Variants in CRAMP1 observed in about 807,000 individuals in gnomAD.
CRAMP1 encodes cramped chromatin regulator 1, also known as protein cramped-like.
In CRAMP1, 50 loss-of-function variants were observed where a neutral mutation model predicts 115.4. The ratio of observed to expected loss-of-function variants is 0.43; its 90% CI spans 0.35 to 0.55. The LOEUF (loss-of-function observed/expected upper bound fraction) is 0.55, where lower values mean the gene tolerates loss of function less well. Among genes scored for constraint, CRAMP1 ranks in the 20% least tolerant of loss-of-function variants. CRAMP1 has a pLI of 0.01. For missense variants in CRAMP1, 1,679 were observed against 1,721.7 expected, an observed-to-expected ratio of 0.98 and a Z score of 0.44; for synonymous variants, 866 against 745.4, an observed-to-expected ratio of 1.16 and a Z score of -2.64.
chr16:1,653,831 A>C (rs1221352288), intron 8 of CRAMP1, among the ~76,000 whole-genome samples: 18 of 147,212 alleles, frequency 1.2e-4, no homozygotes, highest in Admixed American at 2.7e-4. Flanking sequence ...AAAAAAAAAA[A>C]AAAAAACAAA....
Position 1,656,483 on chromosome 16 carries a change from C to G in CRAMP1, c.1726C>G (p.Gln576Glu). Residue 576 changes from glutamine (Q) to glutamate (E), a missense_variant, in exon 10 of 21, where the codon CAG (glutamine) becomes GAG (glutamate). Coordinates refer to ENST00000397412, the MANE Select transcript of CRAMP1 (RefSeq NM_020825.4). This position sits in a 1 kb window ranked among gnomAD's most constrained non-coding sequence, Gnocchi z 5.6. The stretch of plus-strand genomic sequence containing the variant: ...CTGTCAGGACCTCATTGTCCCCGAG[C>G]AGTGCCGCTGTGCGGACACACGGCC... ...KSCQDLIVPE[Q>E]CRCADTRPGS... 6.3e-7 allele frequency: 1 copy of G among 1,577,754 alleles called. No homozygotes were observed. The highest frequency in any genetic ancestry group is 8.6e-7 in the Non-Finnish European group (1 of 1,162,556).
rs2036359514 is a variant in CRAMP1 at position 1,612,541 on chromosome 16, C to A, written c.-118C>A. 6.6e-6 allele frequency: 1 copy of A among 152,052 alleles called. No individual in the cohort carries two copies. Among genetic ancestry groups the A allele is most frequent in the Non-Finnish European group, 1.5e-5 (1 of 68,080 alleles). The allele number at this position is 152,052 out of a possible 1,614,324, so 9.4% of individuals were successfully genotyped here. On this transcript the variant is annotated 5_prime_UTR_variant, in exon 1 of 21. Transcript: ENST00000397412. ...CTTCCGAGGCGGACGACCAGCCCGG[C>A]GTTGCGGCCTCCCTGCAGCCGGCGC...
rs887987258 is a variant in CRAMP1 at position 1,672,790 on chromosome 16, T to C, written c.3646-1091T>C. Among the ~76,000 whole-genome samples the C allele has an allele frequency of 1.3e-5, 2 of 152,128 alleles. No homozygotes were observed. Among genetic ancestry groups the C allele is most frequent in the Non-Finnish European group, 1.5e-5 (1 of 68,032 alleles). ...AGCGCTGAAAACGGCACATTCTACG[T>C]ATTTGCTCATGGGACAAGATCCCGG... On this transcript the variant is annotated intron_variant, in intron 20 of 20. Coordinates refer to ENST00000397412, the MANE Select transcript of CRAMP1 (RefSeq NM_020825.4). This position sits in a 1 kb window ranked among gnomAD's most constrained non-coding sequence, Gnocchi z 4.9.
chr16:1,615,505 A>G (rs915324956), intron 2 of CRAMP1, among the ~76,000 whole-genome samples: 2 of 152,190 alleles, frequency 1.3e-5, no homozygotes, highest in Non-Finnish European at 2.9e-5. Context: ...TAGGAAGGGC[A>G]TAGAGATGGG....
chr16:1,650,576 G>T (rs1006142093), intron 6 of CRAMP1, among the ~76,000 whole-genome samples: 1 of 152,166 alleles, frequency 6.6e-6, no homozygotes, highest in Non-Finnish European at 1.5e-5. Flanking sequence ...TTTCATGTGT[G>T]TCTTTCTGAA....
chr16:1,646,968 A>T (rs2036680422), intron 6 of CRAMP1: 2 of 700,630 alleles, frequency 2.9e-6, no homozygotes, highest in Admixed American at 4.0e-5. Context: ...GTGTGGTTCC[A>T]TTCTGGACCT....
rs1355845441 is a variant in CRAMP1, at chr16:1,671,021, A to AC, written c.3645+213dup. Among the ~76,000 whole-genome samples, 1 of 152,128 alleles carries AC rather than the reference A, an allele frequency of 6.6e-6. No individual in the cohort carries two copies. The highest frequency in any genetic ancestry group is 2.4e-5 in the African/African-American group (1 of 41,406). The stretch of plus-strand genomic sequence containing the variant: ...CTCGTCCCCACATGCAGAATGACAG[A>AC]CTTAGTCATAGCTGAGCTCTGCAGG... On this transcript the variant is annotated intron_variant, in intron 20 of 20. Coordinates refer to ENST00000397412, the MANE Select transcript of CRAMP1 (RefSeq NM_020825.4). This position sits in a 1 kb window ranked among gnomAD's most constrained non-coding sequence, Gnocchi z 5.0.
At position 1,653,122 on chromosome 16, in the gene CRAMP1, C is replaced by A; in HGVS notation, c.1003C>A (p.Arg335Ser). The A allele has an allele frequency of 6.2e-7, 1 of 1,610,948 alleles. No individual in the cohort carries two copies. Among genetic ancestry groups the A allele is most frequent in the Non-Finnish European group, 8.5e-7 (1 of 1,178,600 alleles). Residue 335 changes from arginine to serine, a missense_variant, in exon 8 of 21, where the codon CGT becomes AGT. Arg to Ser is a moderately radical substitution (Grantham distance 110). Transcript: ENST00000397412. ...GCCGCGGAACAACCACGCCTGGGCC[C>A]GTGTGCAGAGCCTTGCCCAGAACCC... The part of the protein sequence containing the change: ...LQPRNNHAWA[R>S]VQSLAQNPRL...
chr16:1,638,478 A>G (rs2036606262), intron 5 of CRAMP1, among the ~76,000 whole-genome samples: 1 of 152,090 alleles, frequency 6.6e-6, no homozygotes, highest in African/African-American at 2.4e-5. Flanking sequence ...GGCCTTCCTC[A>G]CGCAGGCCCT....
chr16:1,677,668 T>G lies in CRAMP1; in HGVS notation c.*3623T>G, dbSNP rs937604624. On this transcript the variant is annotated 3_prime_UTR_variant, in exon 21 of 21. Transcript: ENST00000397412. ...GCGAGGCCTCCGCTCGTTTCAGATATGAATTTGTTTTATAGATTATAAATA... is the reference window on the plus strand; with the variant it reads ...GCGAGGCCTCCGCTCGTTTCAGATAGGAATTTGTTTTATAGATTATAAATA... The G allele has an allele frequency of 5.9e-5, 9 of 152,766 alleles. No homozygotes were observed. Among genetic ancestry groups the G allele is most frequent in the African/African-American group, 2.2e-4 (9 of 41,568 alleles). 9.5% of individuals were successfully genotyped at this position (152,766 alleles called of 1,614,324 possible).
Position 1,666,234 on chromosome 16 carries a change from G to T in CRAMP1, c.2857+57G>T. ...GAGTGAGCCTCTGAGGGATGTTTTT[G>T]TGACCAGGTTTTTTGAATGTTTTCT... On this transcript the variant is annotated intron_variant, in intron 15 of 20. Transcript: ENST00000397412. This position sits in a 1 kb window ranked among gnomAD's most constrained non-coding sequence, Gnocchi z 5.0. 1.5e-6 allele frequency: 2 copies of T among 1,332,860 alleles called. No individual in the cohort carries two copies. Among genetic ancestry groups the T allele is most frequent in the African/African-American group, 2.9e-5 (2 of 68,746 alleles). 82.6% of individuals were successfully genotyped at this position (1,332,860 alleles called of 1,614,324 possible). A position where few individuals can be genotyped will look rare whatever the true frequency, so the allele number is the denominator to read the frequency against.
At chr16:1,633,309 G>T (rs558181139) in intron 4 of CRAMP1, among the ~76,000 whole-genome samples, 1 of 152,232 alleles carries the variant, frequency 6.6e-6, no homozygotes, top group Admixed American at 6.5e-5. Flanking sequence ...ACTGGGCAGA[G>T]CCCTGAGGGC....
intron 9 of CRAMP1, 103 bp from the exon 10 acceptor site, chr16:1,655,774 G>A: frequency 7.6e-7 from 1 of 1,307,208 alleles, no homozygotes; most frequent in African/African-American, 1.5e-5. Context: ...TTATACCCTG[G>A]GGGATGCCAG....
intron 11 of CRAMP1, among the ~76,000 whole-genome samples, 190 bp downstream of exon 11, chr16:1,660,253 C>G (rs1399900875): frequency 6.6e-6 from 1 of 152,178 alleles, no homozygotes; most frequent in Non-Finnish European, 1.5e-5. Flanking sequence ...GATGCCAGGG[C>G]TTGTCGTGAA....
intron 2 of CRAMP1, among the ~76,000 whole-genome samples, chr16:1,621,628 G>A (rs987902075): frequency 6.6e-6 from 1 of 152,164 alleles, no homozygotes; most frequent in Non-Finnish European, 1.5e-5. Flanking sequence ...CTTTATCTAG[G>A]CTCCGTGGGA....
intron 7 of CRAMP1, 78 bp downstream of exon 7, chr16:1,652,659 G>C (rs561289592): frequency 1.5e-6 from 2 of 1,302,572 alleles, no homozygotes; most frequent in Non-Finnish European, 2.2e-6. Flanking sequence ...CTGAGCTACC[G>C]GGTTGCTGCC....
intron 8 of CRAMP1, among the ~76,000 whole-genome samples, chr16:1,654,248 T>C (rs1294665886): frequency 1.3e-5 from 2 of 151,226 alleles, no homozygotes. Context: ...TCTTGCTCTG[T>C]GGCTCAGGCT....
At position 1,662,478 on chromosome 16, in the gene CRAMP1, C is replaced by T. The variant is rs766676384; in HGVS notation, c.2414-12C>T. On this transcript the variant is annotated splice_polypyrimidine_tract_variant and intron_variant, in intron 11 of 20. Coordinates refer to ENST00000397412, the MANE Select transcript of CRAMP1 (RefSeq NM_020825.4). ...AATGCTGTCACACTGATTCTCTCCT[C>T]TCCTCTCCCAGGTTTGAGAAACCCT... 34 of 1,609,504 alleles carry T rather than the reference C, an allele frequency of 2.1e-5. No homozygotes were observed. The Admixed American group carries it at 3.3e-4, about 16-fold the overall frequency.
chr16:1,647,138 T>G, intron 6 of CRAMP1: 1 of 694,272 alleles, frequency 1.4e-6, no homozygotes, highest in South Asian at 1.5e-5. Flanking sequence ...GTATTTGACT[T>G]GCTGTCGCCT....
Sources: allele counts gnomAD v4.1 joint callset (sites outside exome capture counted in the v4.1 genomes callset), GRCh38; gene constraint gnomAD v4.1.1; non-coding constraint Gnocchi (gnomAD v3.1); transcripts MANE v1.5; gene names NCBI Gene and HGNC (gene_info 2026-07-23, HGNC 2026-07-21).